The following MIER1 variants were observed in gnomAD, a reference collection of about 807,000 sequenced individuals.
MIER1 encodes mesoderm induction early response protein 1.
MIER1 carries 40 observed loss-of-function variants against 75.7 expected under a neutral mutation model. The ratio of observed to expected loss-of-function variants is 0.53; its 90% CI spans 0.41 to 0.69. The LOEUF (loss-of-function observed/expected upper bound fraction) is 0.69, where lower values mean the gene tolerates loss of function less well. Among genes scored for constraint, MIER1 ranks in the 30% least tolerant of loss-of-function variants. MIER1 has a pLI of 0.00. For missense variants in MIER1, 574 were observed against 680.2 expected (o/e 0.84, Z 1.74); for synonymous variants, 213 against 223.4 (o/e 0.95, Z 0.42).
chr1:66,958,647 T>C (rs1660645483), intron 5 of MIER1, among the ~76,000 whole-genome samples: 1 of 151,938 alleles, frequency 6.6e-6, no homozygotes, highest in Non-Finnish European at 1.5e-5. Context: ...TACAGTGCTA[T>C]TAACTAAACT....
chr1:66,965,409 A>G (rs1442378307), intron 8 of MIER1, among the ~76,000 whole-genome samples: 1 of 151,868 alleles, frequency 6.6e-6, no homozygotes, highest in African/African-American at 2.4e-5. Flanking sequence ...AATTTATATT[A>G]TAGTTGAAAA....
intron 12 of MIER1, among the ~76,000 whole-genome samples, chr1:66,980,052 C>T (rs1208878005): frequency 2.6e-5 from 4 of 152,222 alleles, no homozygotes; most frequent in East Asian, 3.8e-4. Flanking sequence ...GCGTGAGCCA[C>T]CACACCCGGC....
chr1:66,940,272 T>C, intron 3 of MIER1: 1 of 22,414 alleles, frequency 4.5e-5, no homozygotes. Flanking sequence ...TGGGTTTTCT[T>C]TTTTTTTTTT....
intron 2 of MIER1, among the ~76,000 whole-genome samples, chr1:66,935,653 A>G (rs1387305975): frequency 6.6e-6 from 1 of 152,182 alleles, no homozygotes; most frequent in Non-Finnish European, 1.5e-5. Flanking sequence ...AAAGGTATTA[A>G]ATGAAAAAAG....
chr1:66,936,914 G>C (rs551269835), intron 2 of MIER1, among the ~76,000 whole-genome samples: 4 of 146,740 alleles, frequency 2.7e-5, no homozygotes, highest in Non-Finnish European at 5.9e-5. Flanking sequence ...CAGGGGAATT[G>C]CTTGAACCCA....
chr1:66,947,108 CG>C (rs1657840628), intron 4 of MIER1: 1 of 541,592 alleles, frequency 1.8e-6, no homozygotes, highest in Non-Finnish European at 2.4e-6. Context: ...ACCTCTCCCC[CG>C]GCATACTGAA....
chr1:66,981,942 T>C (rs750661395), intron 13 of MIER1, 24 bp downstream of exon 13: 2 of 1,611,248 alleles, frequency 1.2e-6, no homozygotes, highest in Non-Finnish European at 1.7e-6. Flanking sequence ...GAAACATTTC[T>C]CTTTCTTCAT....
intron 7 of MIER1, 78 bp downstream of exon 7, chr1:66,959,821 T>TC (rs1660902479): frequency 1.6e-6 from 1 of 641,620 alleles, no homozygotes; most frequent in Non-Finnish European, 2.5e-6. Flanking sequence ...ATTTTTTTTT[T>TC]TACTAACTAT....
intron 11 of MIER1, 97 bp from the exon 12 acceptor site, chr1:66,976,498 A>T: frequency 8.4e-7 from 1 of 1,189,760 alleles, no homozygotes; most frequent in Non-Finnish European, 1.2e-6. Flanking sequence ...TATTTCAGTT[A>T]AGGACTAGCC....
At chr1:66,935,121 G>GT (rs551428931) in intron 2 of MIER1, among the ~76,000 whole-genome samples, 3 of 152,010 alleles carry the variant, frequency 2.0e-5, no homozygotes, top group African/African-American at 7.3e-5. Flanking sequence ...TGTTGTTAGG[G>GT]TTTTTTTGGT....
intron 8 of MIER1, among the ~76,000 whole-genome samples, chr1:66,969,435 C>T (rs1434030752): frequency 6.7e-6 from 1 of 150,086 alleles, no homozygotes; most frequent in African/African-American, 2.4e-5. Flanking sequence ...GTCCCAGCTA[C>T]TCTGGAGGCT....
chr1:66,959,498 G>A (rs950758490), intron 6 of MIER1, among the ~76,000 whole-genome samples, 181 bp from the exon 7 acceptor site: 2 of 151,890 alleles, frequency 1.3e-5, no homozygotes, highest in Admixed American at 6.6e-5. Flanking sequence ...AAAGTTTATG[G>A]TTTTTTTGGT....
chr1:66,945,285 AT>A (rs1657270758), intron 3 of MIER1, among the ~76,000 whole-genome samples: 135 of 5,758 alleles, frequency 0.023, 5 homozygotes, highest in African/African-American at 0.23. Flanking sequence ...ATATATATAT[AT>A]ATATATATAT....
At chr1:66,972,239 T>C (rs1663802566) in intron 10 of MIER1, among the ~76,000 whole-genome samples, 1 of 68,866 alleles carries the variant, frequency 1.5e-5, no homozygotes, top group Non-Finnish European at 2.8e-5. Context: ...ACACTACATA[T>C]ATATATATAT....
At position 66,971,680 on chromosome 1, in the gene MIER1, A is replaced by G. The variant is rs763525908; in HGVS notation, c.950A>G (p.Asn317Ser). The change falls in exon 10 of 14, where the codon AAT becomes AGT. Residue 317 changes from asparagine (N) to serine (S), a missense_variant. Physicochemically the swap from Asn to Ser is conservative, Grantham distance 46. Coordinates refer to ENST00000401041, the MANE Select transcript of MIER1 (RefSeq NM_001077700.3). ...EQALYELVKC[N>S]FDTEEALRRL... ...GCTTTATATGAATTGGTTAAATGCA[A>G]TTTTGATACAGAAGAAGCATTGAGA... 3 of 1,513,126 alleles carry G rather than the reference A, an allele frequency of 2.0e-6. No homozygotes were observed. Among genetic ancestry groups the G allele is most frequent in the Non-Finnish European group, 2.7e-6 (3 of 1,096,246 alleles). 93.7% of individuals were successfully genotyped at this position (1,513,126 alleles called of 1,614,324 possible).
At chr1:66,937,074 T>G (rs1019456613) in intron 2 of MIER1, among the ~76,000 whole-genome samples, 1 of 150,516 alleles carries the variant, frequency 6.6e-6, no homozygotes, top group African/African-American at 2.4e-5. Context: ...AGTGGAAAAT[T>G]TTAGCAGTTA....
intron 2 of MIER1, among the ~76,000 whole-genome samples, chr1:66,928,524 A>T (rs1433812647): frequency 6.6e-6 from 1 of 152,156 alleles, no homozygotes; most frequent in Non-Finnish European, 1.5e-5. Flanking sequence ...CTGAGTTTGT[A>T]CCTCTAGGCC....
intron 12 of MIER1, among the ~76,000 whole-genome samples, chr1:66,977,185 C>T (rs1264768689): frequency 6.6e-6 from 1 of 152,028 alleles, no homozygotes; most frequent in Non-Finnish European, 1.5e-5. Context: ...TCTCAGCTCC[C>T]TGCAGCCTCC....
intron 7 of MIER1, 118 bp from the exon 8 acceptor site, chr1:66,962,970 T>G (rs1661559236): frequency 1.6e-6 from 1 of 632,630 alleles, no homozygotes. Flanking sequence ...GTTAATTGGT[T>G]GTTTTTGTAT....
Sources: gnomAD v4.1 joint callset for allele counts (sites outside exome capture counted in the v4.1 genomes callset) on GRCh38, gnomAD v4.1.1 for gene constraint, MANE v1.5 for transcripts, NCBI Gene and HGNC (gene_info 2026-07-23, HGNC 2026-07-21) for gene names.